The following CDHR5 variants were observed in gnomAD, a reference collection of about 807,000 sequenced individuals.
CDHR5 encodes the protein cadherin-related family member 5.
A neutral mutation model predicts 69.5 loss-of-function variants in CDHR5; 82 were observed. The ratio of observed to expected loss-of-function variants is 1.18; its 90% CI spans 0.99 to 1.42. The LOEUF is 1.42. CDHR5 is among the 40% of genes most tolerant of loss of function. The pLI, the probability that CDHR5 is intolerant of heterozygous loss-of-function variation, is 0.00. For missense variants in CDHR5, 1,293 were observed against 1,168.9 expected, an observed-to-expected ratio of 1.11 and a Z score of -1.55; for synonymous variants, 601 against 510.2, an observed-to-expected ratio of 1.18 and a Z score of -2.40.
Position 619,189 on chromosome 11 carries a change from C to G in CDHR5, c.1379-9G>C. ...TGGGGATGGGGGGACATCTGGGGGC[C>G]GGGAACAGTGCTTGGGCTTGCCTCT... is the stretch of plus-strand genomic sequence containing the variant. On this transcript the variant is annotated splice_polypyrimidine_tract_variant and intron_variant, in intron 12 of 14. Coordinates refer to ENST00000397542, the MANE Select transcript of CDHR5 (RefSeq NM_021924.5). The G allele has an allele frequency of 6.6e-7, 1 of 1,512,712 alleles. No homozygotes were observed. The highest frequency in any genetic ancestry group is 8.9e-7 in the Non-Finnish European group (1 of 1,121,514). The allele number at this position is 1,512,712 out of a possible 1,614,324, so 93.7% of individuals were successfully genotyped here. A position where few individuals can be genotyped will look rare whatever the true frequency, so the allele number is the denominator to read the frequency against.
In CDHR5 at chr11:617,659, G is replaced by A; in HGVS notation, c.2230C>T (p.Pro744Ser). The A allele has an allele frequency of 2.0e-6, 3 of 1,520,990 alleles. No homozygotes were observed. Among genetic ancestry groups the A allele is most frequent in the Non-Finnish European group, 2.6e-6 (3 of 1,138,528 alleles). The allele number at this position is 1,520,990 out of a possible 1,614,324, so 94.2% of individuals were successfully genotyped here. The change falls in exon 15 of 15, where the codon CCC (proline) becomes TCC (serine). Residue 744 changes from proline (P) to serine (S), a missense_variant. Coordinates refer to ENST00000397542, the MANE Select transcript of CDHR5 (RefSeq NM_021924.5). ...HDPKPAEAPM[P>S]AEPAPPGPAS... ...GGGCCGGGGGGTGCGGGCTCTGCGG[G>A]CATCGGTGCCTCCGCGGGCTTGGGG...
chr11:618,531 TC>T, intron 13 of CDHR5, 67 bp downstream of exon 13: 1 of 1,572,890 alleles, frequency 6.4e-7, no homozygotes, highest in Non-Finnish European at 8.7e-7. Context: ...GGTGGACCCT[TC>T]CTACAGCGTT....
chr11:617,270 C>T lies in CDHR5; in HGVS notation c.*81G>A. The T allele has an allele frequency of 8.4e-7, 1 of 1,197,162 alleles. No individual in the cohort carries two copies. The allele number at this position is 1,197,162 out of a possible 1,614,324, so 74.2% of individuals were successfully genotyped here. A position where few individuals can be genotyped will look rare whatever the true frequency, so the allele number is the denominator to read the frequency against. ...CATGGCCTGGGTTTCGGGAGCCTTG[C>T]TTTATTCTGCCTCGGGTCGGAGGCT... is the stretch of plus-strand genomic sequence containing the variant. On this transcript the variant is annotated 3_prime_UTR_variant, in exon 15 of 15. Coordinates refer to ENST00000397542, the MANE Select transcript of CDHR5 (RefSeq NM_021924.5).
chr11:618,599 C>T lies in CDHR5; in HGVS notation c.1960G>A (p.Gly654Ser), dbSNP rs775696322. 1.2e-6 allele frequency: 2 copies of T among 1,613,902 alleles called. No individual in the cohort carries two copies. The highest frequency in any genetic ancestry group is 8.5e-7 in the Non-Finnish European group (1 of 1,179,974). ...MPLSKSTPSSGGGPSEDKRFS... is the reference protein window; with the variant it reads ...MPLSKSTPSSSGGPSEDKRFS... The stretch of plus-strand genomic sequence containing the variant: ...GGGAAGGCAACAGAGTGGGTGCTAC[C>T]TGAAGATGGGGTGCTCTTGCTGAGG... The change falls in exon 13 of 15, where the codon GGT becomes AGT. Residue 654 changes from glycine (G) to serine (S), a missense_variant and splice_region_variant. Gly to Ser is a moderately conservative substitution (Grantham distance 56). Transcript: ENST00000397542.
intron 3 of CDHR5, among the ~76,000 whole-genome samples, chr11:622,929 A>G (rs1857504445): frequency 6.6e-6 from 1 of 152,036 alleles, no homozygotes; most frequent in Non-Finnish European, 1.5e-5. Context: ...CACATTATGG[A>G]CCTGGTTGGT....
In CDHR5 at chr11:618,610, G is replaced by A; in HGVS notation, c.1949C>T (p.Thr650Ile). 6.2e-7 allele frequency: 1 copy of A among 1,614,046 alleles called. No individual in the cohort carries two copies. Among genetic ancestry groups the A allele is most frequent in the Non-Finnish European group, 8.5e-7 (1 of 1,180,006 alleles). Reference protein sequence around the residue: ...TSQPMPLSKSTPSSGGGPSED... With the variant: ...TSQPMPLSKSIPSSGGGPSED... ...AGAGTGGGTGCTACCTGAAGATGGG[G>A]TGCTCTTGCTGAGGGGCATCGGCTG... The change falls in exon 13 of 15, where the codon ACC becomes ATC. Residue 650 changes from threonine to isoleucine, a missense_variant. Coordinates refer to ENST00000397542, the MANE Select transcript of CDHR5 (RefSeq NM_021924.5).
In CDHR5 at chr11:616,768, C is replaced by G. The variant is rs1281713367; in HGVS notation, c.*583G>C. ...GCTCAGGCCACACGGCGCACCCACC[C>G]CCAGCGCGCCTCAGTCCAGGTCACT... On this transcript the variant is annotated 3_prime_UTR_variant, in exon 15 of 15. Coordinates refer to ENST00000397542, the MANE Select transcript of CDHR5 (RefSeq NM_021924.5). 1 of 156,486 alleles carries G rather than the reference C, an allele frequency of 6.4e-6. No homozygotes were observed. The highest frequency in any genetic ancestry group is 1.4e-5 in the Non-Finnish European group (1 of 69,220). 9.7% of individuals were successfully genotyped at this position (156,486 alleles called of 1,614,324 possible).
chr11:623,889 G>A (rs1348605428), intron 3 of CDHR5, among the ~76,000 whole-genome samples: 1 of 152,110 alleles, frequency 6.6e-6, no homozygotes, highest in Non-Finnish European at 1.5e-5. Flanking sequence ...GGGCTGTGGG[G>A]GACACGTGGG....
At chr11:623,828 C>T (rs1467102951) in intron 3 of CDHR5, among the ~76,000 whole-genome samples, 2 of 151,920 alleles carry the variant, frequency 1.3e-5, no homozygotes, top group African/African-American at 4.8e-5. Context: ...GGTGGACAGA[C>T]TCTGGATTTC....
Position 617,230 on chromosome 11 carries a change from G to T in CDHR5, c.*121C>A, listed in dbSNP as rs933206289. On this transcript the variant is annotated 3_prime_UTR_variant, in exon 15 of 15. Transcript: ENST00000397542. Reference sequence around the variant, plus strand: ...GTGAATGGGACCCCCATGGACCCGCGCGCCTGCCCCACGCCATGGCCTGGG... The same window carrying T: ...GTGAATGGGACCCCCATGGACCCGCTCGCCTGCCCCACGCCATGGCCTGGG... 5 of 752,672 alleles carry T rather than the reference G, an allele frequency of 6.6e-6. No homozygotes were observed. In the Admixed American group the frequency reaches 1.4e-4, roughly 20 times the overall value. 46.6% of individuals were successfully genotyped at this position (752,672 alleles called of 1,614,324 possible).
At chr11:618,235 C>G in intron 13 of CDHR5, 124 bp from the exon 14 acceptor site, 1 of 820,060 alleles carries the variant, frequency 1.2e-6, no homozygotes, top group Non-Finnish European at 1.9e-6. Context: ...TCTCCCAAAT[C>G]TCAGGCTCTG....
At chr11:623,894 C>A (rs1227745101) in intron 3 of CDHR5, among the ~76,000 whole-genome samples, 1 of 150,372 alleles carries the variant, frequency 6.7e-6, no homozygotes, top group Non-Finnish European at 1.5e-5. Context: ...GTGGGGGACA[C>A]GTGGGGAGGG....
chr11:620,877 G>T (rs1053815231), intron 7 of CDHR5, among the ~76,000 whole-genome samples: 3 of 152,150 alleles, frequency 2.0e-5, no homozygotes, highest in Non-Finnish European at 4.4e-5. Flanking sequence ...GCTCCTCCCT[G>T]TGTGTTCAGG....
At position 618,837 on chromosome 11, in the gene CDHR5, T is replaced by A. The variant is rs765580981; in HGVS notation, c.1722A>T (p.Pro574=). The A allele has an allele frequency of 1.9e-6, 3 of 1,611,198 alleles. No individual in the cohort carries two copies. The highest frequency in any genetic ancestry group is 2.2e-5 in the South Asian group (2 of 90,896). ...GCATCGGCTGAGAGGTTCCTGGCTC[T>A]GGGGTCTGTGCTGTGCCCCCACTGG... ...ATPSGGTAQT[P]EPGTSQPMPP... The change falls in exon 13 of 15, where the codon CCA becomes CCT. Residue 574 remains proline (P), a synonymous_variant. Transcript: ENST00000397542.
Position 621,870 on chromosome 11 carries a change from T to TCCAGCACTGACACGAACA in CDHR5, c.329_346dup (p.Val110_Leu115dup). On this transcript the variant is annotated inframe_insertion, in exon 4 of 15. Transcript: ENST00000397542. The surrounding 1 kb of genome is among the most constrained non-coding windows in gnomAD (Gnocchi z 4.4). The stretch of plus-strand genomic sequence containing the variant: ...GAATTCGGGGGCATTGTCATTGACG[T>TCCAGCACTGACACGAACA]CCAGCACTGACACGAACACCCTTAG... The TCCAGCACTGACACGAACA allele has an allele frequency of 6.2e-7, 1 of 1,613,656 alleles. No individual in the cohort carries two copies. Among genetic ancestry groups the TCCAGCACTGACACGAACA allele is most frequent in the East Asian group, 2.2e-5 (1 of 44,884 alleles).
rs1391681192 is a variant in CDHR5, at chr11:619,673, C to G, written c.1179+8G>C. 5 of 1,613,150 alleles carry G rather than the reference C, an allele frequency of 3.1e-6. No individual in the cohort carries two copies. The highest frequency in any genetic ancestry group is 1.1e-5 in the South Asian group (1 of 91,062). ...CCACAGAGGGGAGGCCTTGGATGCA[C>G]TCTCTACCGAGAACTCCGGGTCCTG... On this transcript the variant is annotated splice_region_variant and intron_variant, in intron 10 of 14. Transcript: ENST00000397542.
At chr11:619,617 A>G (rs773832015) in intron 10 of CDHR5, 30 bp from the exon 11 acceptor site, 110 of 1,608,598 alleles carry the variant, frequency 6.8e-5, no homozygotes, top group Non-Finnish European at 8.9e-5. Flanking sequence ...GTCCCCGGCC[A>G]GGCTGCCTCC....
chr11:617,716 TGG>T lies in CDHR5; in HGVS notation c.2171_2172del (p.Ala724GlufsTer36). The T allele has an allele frequency of 6.8e-7, 1 of 1,459,902 alleles. No homozygotes were observed. Among genetic ancestry groups the T allele is most frequent in the African/African-American group, 1.4e-5 (1 of 70,390 alleles). The allele number at this position is 1,459,902 out of a possible 1,614,324, so 90.4% of individuals were successfully genotyped here. A position where few individuals can be genotyped will look rare whatever the true frequency, so the allele number is the denominator to read the frequency against. The part of the protein sequence containing the change: ...DNQAFLPDHK[A>X]NWAPVPSPTH... ...GTGGGGCTGGGGACGGGCGCCCAGT[TGG>T]CCTTGTGGTCAGGGAGGAACGCCTG... On this transcript the variant is annotated frameshift_variant, in exon 15 of 15. Transcript: ENST00000397542. LOFTEE classifies it low-confidence loss of function (END_TRUNC).
chr11:624,429 C>A lies in CDHR5; in HGVS notation c.261+128G>T, dbSNP rs1857598302. On this transcript the variant is annotated intron_variant, in intron 2 of 14. Coordinates refer to ENST00000397542, the MANE Select transcript of CDHR5 (RefSeq NM_021924.5). The surrounding 1 kb of genome is among the most constrained non-coding windows in gnomAD (Gnocchi z 5.3). The stretch of plus-strand genomic sequence containing the variant: ...ATGGCCCAGCCTTCTAGGGCAGGCA[C>A]CACCAAGCATGGGTGTCAGTGGATG... 1.0e-6 allele frequency: 1 copy of A among 996,528 alleles called. No individual in the cohort carries two copies. The highest frequency in any genetic ancestry group is 1.6e-5 in the African/African-American group (1 of 62,848). The allele number at this position is 996,528 out of a possible 1,614,324, so 61.7% of individuals were successfully genotyped here.
Sources: gnomAD v4.1 joint callset for allele counts (sites outside exome capture counted in the v4.1 genomes callset) on GRCh38, gnomAD v4.1.1 for gene constraint, Gnocchi (gnomAD v3.1) non-coding constraint, MANE v1.5 for transcripts, NCBI Gene and HGNC (gene_info 2026-07-23, HGNC 2026-07-21) for gene names.